Variants in YES1 observed in about 807,000 individuals in gnomAD.
The protein encoded by YES1 is tyrosine-protein kinase Yes.
A neutral mutation model predicts 70.4 loss-of-function variants in YES1; 39 were observed. The observed-to-expected ratio is 0.55, with a 90% CI of 0.43 to 0.72. YES1 has a LOEUF of 0.72. Ranked by LOEUF, YES1 falls within the 30% of genes least tolerant of loss-of-function variation. The probability of loss-of-function intolerance (pLI) is 0.00; values close to 1 mark genes in which losing one functional copy is unlikely to be tolerated. For synonymous variants in YES1, 198 were observed against 218.6 expected (o/e 0.91, Z 0.83); for missense variants, 495 against 644.8 (o/e 0.77, Z 2.52).
In YES1 at chr18:745,961, ACT is replaced by A; in HGVS notation, c.559_560del (p.Ser187Ter). On this transcript the variant is annotated frameshift_variant, in exon 5 of 12. Transcript: ENST00000314574. LOFTEE classifies it high-confidence loss of function. Reference protein sequence around the residue: ...NQRGIFLVRESETTKGAYSLS... With the variant: ...NQRGIFLVREXETTKGAYSLS... The stretch of plus-strand genomic sequence containing the variant: ...CAATATTCATACCTTTAGTTGTTTC[ACT>A]CTCTCTTACTAAGAAAATACCTCGT... 6.2e-7 allele frequency: 1 copy of A among 1,611,932 alleles called. No individual in the cohort carries two copies. Among genetic ancestry groups the A allele is most frequent in the Non-Finnish European group, 8.5e-7 (1 of 1,178,818 alleles).
intron 1 of YES1, among the ~76,000 whole-genome samples, chr18:776,067 G>A (rs967535579): frequency 6.6e-6 from 1 of 152,140 alleles, no homozygotes; most frequent in African/African-American, 2.4e-5. Flanking sequence ...ATGTAACCTT[G>A]CAATAGATTG....
At position 801,333 on chromosome 18, in the gene YES1, A is replaced by G. The variant is rs564579703; in HGVS notation, c.-9+10781T>C. ...GGGAGACAGAGTGACACCCTGTCTC[A>G]AAAAAATGATTTACATGAACAAACT... is the stretch of plus-strand genomic sequence containing the variant. On this transcript the variant is annotated intron_variant, in intron 1 of 11. Coordinates refer to ENST00000314574, the MANE Select transcript of YES1 (RefSeq NM_005433.4). Among the ~76,000 whole-genome samples, 544 of 152,154 alleles carry G rather than the reference A, an allele frequency of 3.6e-3. 4 individuals are homozygous for G. Among genetic ancestry groups the G allele is most frequent in the African/African-American group, 0.012 (513 of 41,494 alleles).
chr18:774,179 ACTGG>A (rs964465579), intron 1 of YES1, among the ~76,000 whole-genome samples: 12 of 152,188 alleles, frequency 7.9e-5, no homozygotes, highest in African/African-American at 2.4e-4. Context: ...CCCCCGTCTT[ACTGG>A]CTGCTCCTTC....
rs544145657 is a variant in YES1 at position 749,777 on chromosome 18, A to G, written c.372-1759T>C. 1.2e-4 allele frequency among the ~76,000 whole-genome samples: 18 copies of G among 150,546 alleles called. 1 individual carries two copies. Among genetic ancestry groups the G allele is most frequent in the South Asian group, 1.1e-3 (5 of 4,712 alleles). On this transcript the variant is annotated intron_variant, in intron 3 of 11. Transcript: ENST00000314574. ...CGGGAGGCTTAGGCAGGAGAATGGC[A>G]TGAACCCAGGGGGCAGAGCTTGCAG...
intron 1 of YES1, among the ~76,000 whole-genome samples, chr18:766,573 A>G (rs1407175194): frequency 6.6e-6 from 1 of 151,928 alleles, no homozygotes; most frequent in Non-Finnish European, 1.5e-5. Flanking sequence ...AAAGATAATC[A>G]TCAACTTCAT....
chr18:747,323 G>C (rs1053066093), intron 4 of YES1, among the ~76,000 whole-genome samples: 10 of 152,104 alleles, frequency 6.6e-5, no homozygotes, highest in African/African-American at 2.4e-4. Context: ...ACAAAAATTA[G>C]CTGGGCGTGG....
chr18:771,560 C>T (rs1406354249), intron 1 of YES1, among the ~76,000 whole-genome samples: 5 of 151,992 alleles, frequency 3.3e-5, no homozygotes, highest in Non-Finnish European at 7.4e-5. Flanking sequence ...AGAAAGAAAA[C>T]TTTTTTGTGA....
chr18:726,110 T>A (rs1050223010), intron 11 of YES1, among the ~76,000 whole-genome samples: 1 of 152,144 alleles, frequency 6.6e-6, no homozygotes, highest in Non-Finnish European at 1.5e-5. Context: ...AACTTCTAAT[T>A]ACCAATAAGC....
intron 10 of YES1, among the ~76,000 whole-genome samples, chr18:734,510 C>A (rs1040963638): frequency 2.0e-5 from 3 of 151,864 alleles, no homozygotes; most frequent in South Asian, 4.2e-4. Flanking sequence ...GAGCCAAGAT[C>A]GCGCCACTGC....
At chr18:729,367 A>G (rs2080059668) in intron 11 of YES1, among the ~76,000 whole-genome samples, 1 of 151,974 alleles carries the variant, frequency 6.6e-6, no homozygotes, top group South Asian at 2.1e-4. Flanking sequence ...GTGAACCAAG[A>G]TCGTGCCACT....
rs539462168 is a variant in YES1 at position 735,177 on chromosome 18, A to G, written c.1291+1631T>C. 2.5e-3 allele frequency among the ~76,000 whole-genome samples: 376 copies of G among 149,758 alleles called. 6 individuals are homozygous for G. Among genetic ancestry groups the G allele is most frequent in the Non-Finnish European group, 4.1e-3 (277 of 66,998 alleles). On this transcript the variant is annotated intron_variant, in intron 10 of 11. Transcript: ENST00000314574. ...GTCTCAAAGCAAAAAAAAAAAAATCATTATATGAAAAAGATACATCCACAA... is the reference window on the plus strand; with the variant it reads ...GTCTCAAAGCAAAAAAAAAAAAATCGTTATATGAAAAAGATACATCCACAA...
At chr18:765,485 C>T (rs1409858820) in intron 1 of YES1, among the ~76,000 whole-genome samples, 1 of 150,176 alleles carries the variant, frequency 6.7e-6, no homozygotes, top group Non-Finnish European at 1.5e-5. Context: ...TGCAACCTCC[C>T]GCTCCCCGGT....
chr18:745,624 T>C lies in YES1; in HGVS notation c.724+84A>G, dbSNP rs1369155202. The C allele has an allele frequency of 3.5e-5, 46 of 1,323,894 alleles. No individual in the cohort carries two copies. In the East Asian group the frequency reaches 9.9e-4, roughly 29 times the overall value. The allele number at this position is 1,323,894 out of a possible 1,614,324, so 82.0% of individuals were successfully genotyped here. The stretch of plus-strand genomic sequence containing the variant: ...ATTATGTGTAAATAAGTGTGTTAAA[T>C]CTTAAGAGAAATGAGGATATGGATT... On this transcript the variant is annotated intron_variant, in intron 6 of 11. Coordinates refer to ENST00000314574, the MANE Select transcript of YES1 (RefSeq NM_005433.4).
At chr18:811,896 C>T (rs1019897218) in intron 1 of YES1, among the ~76,000 whole-genome samples, 1 of 152,196 alleles carries the variant, frequency 6.6e-6, no homozygotes, top group Non-Finnish European at 1.5e-5. Flanking sequence ...CTGGACAGGG[C>T]AGAGACCGAG....
chr18:798,513 G>C (rs924315696), intron 1 of YES1, among the ~76,000 whole-genome samples: 1 of 152,096 alleles, frequency 6.6e-6, no homozygotes, highest in African/African-American at 2.4e-5. Context: ...GATGGGGTAG[G>C]GTGGGGGAAA....
intron 1 of YES1, among the ~76,000 whole-genome samples, chr18:759,225 G>A (rs138815289): frequency 0.016 from 2,430 of 152,298 alleles, 66 homozygotes; most frequent in African/African-American, 0.056. Flanking sequence ...CCAACACTTT[G>A]GGAGGCCAAA....
intron 11 of YES1, among the ~76,000 whole-genome samples, chr18:728,702 T>C (rs2080050471): frequency 6.6e-6 from 1 of 152,138 alleles, no homozygotes; most frequent in South Asian, 2.1e-4. Flanking sequence ...ATTTTTGTAT[T>C]TTTAGTAGAG....
At position 729,300 on chromosome 18, in the gene YES1, A is replaced by G. The variant is rs1296957880; in HGVS notation, c.1423+3534T>C. On this transcript the variant is annotated intron_variant, in intron 11 of 11. Coordinates refer to ENST00000314574, the MANE Select transcript of YES1 (RefSeq NM_005433.4). ...CGGGGTGGCTCACGCCTGTAATCTC[A>G]GCTACTTGGGAGGCTGAGGCAGGAG... 5.3e-4 allele frequency among the ~76,000 whole-genome samples: 80 copies of G among 152,172 alleles called. 1 individual carries two copies. Among genetic ancestry groups the G allele is most frequent in the East Asian group, 1.7e-3 (9 of 5,166 alleles).
intron 6 of YES1, among the ~76,000 whole-genome samples, chr18:744,689 CTTTTTTTTTTTTT>C (rs71174284): frequency 1.8e-5 from 1 of 56,862 alleles, no homozygotes; most frequent in Non-Finnish European, 3.3e-5. Flanking sequence ...CACGCCTGGC[CTTTTTTTTTTTTT>C]TTTTTTTTTT....
Sources: allele counts gnomAD v4.1 joint callset (sites outside exome capture counted in the v4.1 genomes callset), GRCh38; gene constraint gnomAD v4.1.1; transcripts MANE v1.5; gene names NCBI Gene and HGNC (gene_info 2026-07-23, HGNC 2026-07-21).